The following CCDC74A variants were observed in gnomAD, a reference collection of about 807,000 sequenced individuals.
CCDC74A encodes the protein coiled-coil domain containing 74A.
A neutral mutation model predicts 37.6 loss-of-function variants in CCDC74A; 38 were observed. That is an observed-to-expected ratio of 1.01 (90% CI 0.78 to 1.33). The LOEUF (loss-of-function observed/expected upper bound fraction) is 1.33. Among genes scored for constraint, CCDC74A ranks in the 40% most tolerant of loss-of-function variants. The pLI, the probability that CCDC74A is intolerant of heterozygous loss-of-function variation, is 0.00. For synonymous variants in CCDC74A, 134 were observed against 165.2 expected, an observed-to-expected ratio of 0.81 and a Z score of 1.45; for missense variants, 340 against 403.4, an observed-to-expected ratio of 0.84 and a Z score of 1.35.
upstream of CCDC74A, among the ~76,000 whole-genome samples, chr2:131,527,257 G>C (rs1030931998): frequency 1.2e-4 from 18 of 150,382 alleles, no homozygotes; most frequent in Admixed American, 6.6e-4. Context: ...TTACAGGTGT[G>C]AGCCACCGCG....
intron 1 of CCDC74A, 173 bp from the exon 2 acceptor site, chr2:131,529,474 T>C: frequency 1.2e-6 from 1 of 856,748 alleles, no homozygotes; most frequent in Non-Finnish European, 1.9e-6. Context: ...ATTCCTGGCC[T>C]GACACCCACG....
At chr2:131,529,573 G>A in intron 1 of CCDC74A, 74 bp from the exon 2 acceptor site, 2 of 1,603,626 alleles carry the variant, frequency 1.2e-6, no homozygotes, top group East Asian at 2.2e-5. Context: ...AGCCAGGAGA[G>A]GACAGGCCAG....
rs1680443646 is a variant in CCDC74A, at chr2:131,527,911, G to A, written c.-60G>A. 2.1e-6 allele frequency: 3 copies of A among 1,409,070 alleles called. No individual in the cohort carries two copies. Among genetic ancestry groups the A allele is most frequent in the Admixed American group, 3.4e-5 (1 of 29,762 alleles). The allele number at this position is 1,409,070 out of a possible 1,614,324, so 87.3% of individuals were successfully genotyped here. On this transcript the variant is annotated 5_prime_UTR_variant, in exon 1 of 8. Transcript: ENST00000409856. Reference sequence around the variant, plus strand: ...CCATGGTGACGGGGCGCCAGGCTAGGGCGGCCTGGCCACTGAGCCGGGGTG... The same window carrying A: ...CCATGGTGACGGGGCGCCAGGCTAGAGCGGCCTGGCCACTGAGCCGGGGTG...
intron 3 of CCDC74A, 110 bp downstream of exon 3, chr2:131,530,937 A>G: frequency 1.5e-6 from 2 of 1,353,698 alleles, no homozygotes; most frequent in South Asian, 1.3e-5. Context: ...GCCAAGCTCC[A>G]GGATTTGGGG....
chr2:131,528,780 C>T (rs1680665260), intron 1 of CCDC74A, among the ~76,000 whole-genome samples: 1 of 151,748 alleles, frequency 6.6e-6, no homozygotes, highest in Admixed American at 6.5e-5. Context: ...GACTGCACTC[C>T]AGCCTCGGTG....
chr2:131,529,010 C>G (rs1446904297), intron 1 of CCDC74A, among the ~76,000 whole-genome samples: 4 of 148,918 alleles, frequency 2.7e-5, no homozygotes, highest in Non-Finnish European at 5.9e-5. Flanking sequence ...CTCACCCCCA[C>G]GCCCCCCTTT....
At chr2:131,531,155 C>A (rs188850815) in intron 3 of CCDC74A, among the ~76,000 whole-genome samples, 1 of 152,096 alleles carries the variant, frequency 6.6e-6, no homozygotes, top group Non-Finnish European at 1.5e-5. Flanking sequence ...CCTGCTTGGC[C>A]GTGTCCCTGC....
In CCDC74A at chr2:131,528,215, A is replaced by G; in HGVS notation, c.245A>G (p.Asn82Ser). The change falls in exon 1 of 8, where the codon AAC becomes AGC. Residue 82 changes from asparagine (N) to serine (S), a missense_variant. Coordinates refer to ENST00000409856, the MANE Select transcript of CCDC74A (RefSeq NM_001258306.3). ...GAGATCGAGCATCTGAAGCGGGAAA[A>G]CAAGGGTGAGCCGGCGCGGGGCCCT... Reference protein sequence around the residue: ...HEEIEHLKRENKDLHYKLIMN... With the variant: ...HEEIEHLKRESKDLHYKLIMN... 1.9e-6 allele frequency: 3 copies of G among 1,612,294 alleles called. No homozygotes were observed. Among genetic ancestry groups the G allele is most frequent in the Non-Finnish European group, 2.5e-6 (3 of 1,179,414 alleles).
intron 2 of CCDC74A, chr2:131,530,153 T>C (rs1573535868): frequency 1.9e-5 from 30 of 1,549,598 alleles, no homozygotes; most frequent in Non-Finnish European, 2.5e-5. Context: ...GCAGCAACCA[T>C]GGGGACAAAG....
chr2:131,530,122 G>C, intron 2 of CCDC74A: 1 of 1,550,194 alleles, frequency 6.5e-7, no homozygotes, highest in Non-Finnish European at 8.7e-7. Context: ...CTCCATCCAG[G>C]GATCCCTTCC....
In CCDC74A at chr2:131,530,823, T is replaced by A. The variant is rs1156418436; in HGVS notation, c.342T>A (p.Asn114Lys). 2 of 1,607,034 alleles carry A rather than the reference T, an allele frequency of 1.2e-6. No homozygotes were observed. The highest frequency in any genetic ancestry group is 3.4e-5 in the Admixed American group (2 of 58,772). Residue 114 changes from asparagine (N) to lysine (K), a missense_variant, in exon 3 of 8, where the codon AAT (asparagine) becomes AAA (lysine). Asn to Lys is a moderately conservative substitution (Grantham distance 94, BLOSUM62 0). Coordinates refer to ENST00000409856, the MANE Select transcript of CCDC74A (RefSeq NM_001258306.3). ...TCCAGTCTGTCAAGTCCATCTCTAA[T>A]TCAGGTGAGCAGGCTGGCGTCCATG... ...SSFQSVKSIS[N>K]SGKARPQPGS...
Position 131,529,588 on chromosome 2 carries a change from C to A in CCDC74A, c.251-59C>A, listed in dbSNP as rs750271391. ...AGCCAGGAGAGGACAGGCCAGGCTT[C>A]TTCTCTCAGAATAGCTGTGGTTTCA... On this transcript the variant is annotated intron_variant, in intron 1 of 7. Transcript: ENST00000409856. The A allele has an allele frequency of 1.2e-5, 19 of 1,611,710 alleles. 1 individual carries two copies. In the East Asian group the frequency reaches 4.2e-4, roughly 36 times the overall value.
chr2:131,523,626 AAAT>A (rs2104768389), upstream of CCDC74A, among the ~76,000 whole-genome samples: 1 of 152,302 alleles, frequency 6.6e-6, no homozygotes, highest in Non-Finnish European at 1.5e-5. Context: ...CCCTCTCAAA[AAAT>A]AAATAAAAAA....
chr2:131,529,393 T>C lies in CCDC74A; in HGVS notation c.251-254T>C, dbSNP rs574189534. 557 of 643,010 alleles carry C rather than the reference T, an allele frequency of 8.7e-4. 1 individual carries two copies. Among genetic ancestry groups the C allele is most frequent in the African/African-American group, 7.7e-3 (429 of 55,440 alleles). 39.8% of individuals were successfully genotyped at this position (643,010 alleles called of 1,614,324 possible). ...CCAGGCCCTGCCTGGGCAGTGTGGATGCCCTCCAGTCATCTCAGATGGATG... is the reference window on the plus strand; with the variant it reads ...CCAGGCCCTGCCTGGGCAGTGTGGACGCCCTCCAGTCATCTCAGATGGATG... On this transcript the variant is annotated intron_variant, in intron 1 of 7. Transcript: ENST00000409856.
At chr2:131,529,160 C>T (rs760480898) in intron 1 of CCDC74A, 5 of 233,138 alleles carry the variant, frequency 2.1e-5, no homozygotes, top group Non-Finnish European at 4.3e-5. Flanking sequence ...TCTCCCGCCC[C>T]GTTCCCTGGT....
At chr2:131,528,309 C>T (rs1680530733) in intron 1 of CCDC74A, 89 bp downstream of exon 1, 4 of 1,557,718 alleles carry the variant, frequency 2.6e-6, no homozygotes, top group African/African-American at 2.7e-5. Context: ...CAGCCATCAA[C>T]TCCAGCACAC....
chr2:131,525,784 T>C (rs1299312135), upstream of CCDC74A, among the ~76,000 whole-genome samples: 1 of 136,910 alleles, frequency 7.3e-6, no homozygotes, highest in African/African-American at 2.8e-5. Context: ...AGTGGTACCA[T>C]CTTGGCTCAC....
upstream of CCDC74A, among the ~76,000 whole-genome samples, chr2:131,524,656 G>T (rs1347645524): frequency 6.6e-6 from 1 of 151,912 alleles, no homozygotes; most frequent in Non-Finnish European, 1.5e-5. Flanking sequence ...AACCCTCACT[G>T]CCTCCCTGGG....
At chr2:131,529,883 G>T (rs1198575245) in intron 2 of CCDC74A, 192 bp downstream of exon 2, 1 of 1,496,248 alleles carries the variant, frequency 6.7e-7, no homozygotes, top group Non-Finnish European at 8.9e-7. Flanking sequence ...AGCACAGCAC[G>T]TGCTGCTCTC....
Sources: gnomAD v4.1 joint callset for allele counts (sites outside exome capture counted in the v4.1 genomes callset) on GRCh38, gnomAD v4.1.1 for gene constraint, MANE v1.5 for transcripts, NCBI Gene and HGNC (gene_info 2026-07-23, HGNC 2026-07-21) for gene names.